Variants in GREB1L observed in about 807,000 individuals in gnomAD.
GREB1L encodes GREB1-like protein.
Under a neutral mutation model 200.8 loss-of-function variants are expected in GREB1L, and 17 were observed. The ratio of observed to expected loss-of-function variants is 0.08; its 90% confidence interval spans 0.06 to 0.13. The LOEUF (loss-of-function observed/expected upper bound fraction) is 0.13. Ranked by LOEUF, GREB1L falls within the 10% of genes least tolerant of loss-of-function variation. GREB1L has a pLI of 1.00. For missense variants in GREB1L, 1,657 were observed against 2,367.7 expected, an observed-to-expected ratio of 0.70 and a Z score of 6.23; for synonymous variants, 789 against 893.0, an observed-to-expected ratio of 0.88 and a Z score of 2.08.
At chr18:21,255,458 T>C (rs1403747766) in intron 1 of GREB1L, among the ~76,000 whole-genome samples, 1 of 152,178 alleles carries the variant, frequency 6.6e-6, no homozygotes, top group African/African-American at 2.4e-5. Flanking sequence ...GCTCTAGAAA[T>C]TCTTACAAAG....
At chr18:21,327,691 CT>C (rs1041758973) in intron 1 of GREB1L, among the ~76,000 whole-genome samples, 1 of 147,442 alleles carries the variant, frequency 6.8e-6, no homozygotes, top group Non-Finnish European at 1.5e-5. Context: ...CCCAACCTTT[CT>C]TTTTTTTTCT....
chr18:21,393,430 G>C (rs2040910861), intron 4 of GREB1L, among the ~76,000 whole-genome samples: 1 of 151,752 alleles, frequency 6.6e-6, no homozygotes, highest in African/African-American at 2.4e-5. Flanking sequence ...CCAAGTAGCT[G>C]GGATTACATG....
At chr18:21,495,510 G>A (rs116731466) in intron 19 of GREB1L, among the ~76,000 whole-genome samples, 160 bp from the exon 20 acceptor site, 1 of 152,254 alleles carries the variant, frequency 6.6e-6, no homozygotes, top group African/African-American at 2.4e-5. Flanking sequence ...TTGTATATGC[G>A]ATGTAGTAGC....
chr18:21,330,387 C>T (rs1210297072), intron 1 of GREB1L, among the ~76,000 whole-genome samples: 2 of 152,212 alleles, frequency 1.3e-5, no homozygotes, highest in Non-Finnish European at 2.9e-5. Context: ...AGTGGCCTCT[C>T]TTGGCAGCAT....
intron 4 of GREB1L, among the ~76,000 whole-genome samples, chr18:21,388,087 A>G (rs1328697917): frequency 6.6e-6 from 1 of 151,998 alleles, no homozygotes; most frequent in Admixed American, 6.5e-5. Flanking sequence ...GAATTCATAA[A>G]CTTTTGCTTG....
At chr18:21,403,596 T>A (rs781686318) in intron 6 of GREB1L, among the ~76,000 whole-genome samples, 1 of 152,190 alleles carries the variant, frequency 6.6e-6, no homozygotes, top group Non-Finnish European at 1.5e-5. Context: ...CTAGCATGAC[T>A]ATATTGGTTA....
chr18:21,477,498 A>T, intron 17 of GREB1L, 142 bp downstream of exon 17: 2 of 673,266 alleles, frequency 3.0e-6, no homozygotes, highest in Non-Finnish European at 4.4e-6. Context: ...TAAGAGTTCA[A>T]AAATCTGGCT....
intron 1 of GREB1L, among the ~76,000 whole-genome samples, chr18:21,295,925 CAATG>C (rs772282054): frequency 2.6e-5 from 4 of 152,184 alleles, no homozygotes; most frequent in South Asian, 4.1e-4. Flanking sequence ...AGTCAAAAAA[CAATG>C]GATGCTGGTG....
intron 1 of GREB1L, among the ~76,000 whole-genome samples, chr18:21,330,224 C>T (rs2039088093): frequency 6.6e-6 from 1 of 152,212 alleles, no homozygotes; most frequent in Admixed American, 6.5e-5. Flanking sequence ...CACCAACGAG[C>T]TGCAGCCCTG....
chr18:21,482,426 T>C (rs1318063883), intron 17 of GREB1L, among the ~76,000 whole-genome samples: 5 of 152,060 alleles, frequency 3.3e-5, no homozygotes, highest in African/African-American at 1.2e-4. Flanking sequence ...CTCGGCTAAT[T>C]TTTTATATTT....
At chr18:21,348,674 C>G (rs1371129898) in intron 1 of GREB1L, among the ~76,000 whole-genome samples, 1 of 152,098 alleles carries the variant, frequency 6.6e-6, no homozygotes, top group African/African-American at 2.4e-5. Context: ...ACCCGGGAGG[C>G]TGAGGCAGGA....
At chr18:21,477,887 A>G (rs2035768777) in intron 17 of GREB1L, among the ~76,000 whole-genome samples, 1 of 152,172 alleles carries the variant, frequency 6.6e-6, no homozygotes, top group Admixed American at 6.5e-5. Context: ...ATAATATCCT[A>G]TATAAATTTG....
At chr18:21,281,637 G>A (rs116089814) in intron 1 of GREB1L, among the ~76,000 whole-genome samples, 2,244 of 152,184 alleles carry the variant, frequency 0.015, 57 homozygotes, top group African/African-American at 0.051. Context: ...TAAAATTTTG[G>A]TACATGTCCA....
intron 1 of GREB1L, among the ~76,000 whole-genome samples, chr18:21,290,230 A>G (rs1427601754): frequency 6.6e-6 from 1 of 152,230 alleles, no homozygotes; most frequent in Non-Finnish European, 1.5e-5. Flanking sequence ...AGCAAAAACA[A>G]GAGAGTGAGG....
chr18:21,373,635 C>T (rs542574769), intron 2 of GREB1L, among the ~76,000 whole-genome samples: 1 of 152,166 alleles, frequency 6.6e-6, no homozygotes, highest in East Asian at 1.9e-4. Context: ...GTGCCTGGCC[C>T]TCTTTTTGAA....
intron 18 of GREB1L, among the ~76,000 whole-genome samples, chr18:21,486,260 A>G (rs1443189971): frequency 1.3e-5 from 2 of 151,788 alleles, no homozygotes; most frequent in Non-Finnish European, 2.9e-5. Flanking sequence ...AGGCTGAGGC[A>G]GGAGAATGGT....
At position 21,493,299 on chromosome 18, in the gene GREB1L, A is replaced by G. The variant is rs117195834; in HGVS notation, c.3031-2371A>G. On this transcript the variant is annotated intron_variant, in intron 19 of 32. Transcript: ENST00000424526. ...GATGATGACCCCTTTGGAAGGATAC[A>G]AAGTTTAAGTCAGTTCCTCCAGAAG... Among the ~76,000 whole-genome samples, 67 of 152,318 alleles carry G rather than the reference A, an allele frequency of 4.4e-4. No homozygotes were observed. In the East Asian group the frequency reaches 0.01, roughly 23 times the overall value.
At chr18:21,471,699 G>C (rs929365803) in intron 15 of GREB1L, among the ~76,000 whole-genome samples, 1 of 146,906 alleles carries the variant, frequency 6.8e-6, no homozygotes, top group Non-Finnish European at 1.5e-5. Flanking sequence ...TCGGCACACC[G>C]CAACCTCGGC....
intron 1 of GREB1L, among the ~76,000 whole-genome samples, chr18:21,322,396 G>T (rs1182326953): frequency 6.6e-5 from 10 of 152,136 alleles, no homozygotes; most frequent in Admixed American, 2.0e-4. Flanking sequence ...AGGTTGAGGA[G>T]CCTTGATCTA....
Sources: gnomAD v4.1 joint callset for allele counts (sites outside exome capture counted in the v4.1 genomes callset) on GRCh38, gnomAD v4.1.1 for gene constraint, MANE v1.5 for transcripts, NCBI Gene and HGNC (gene_info 2026-07-23, HGNC 2026-07-21) for gene names.